The following CCDC172 variants were observed in gnomAD, a reference collection of about 807,000 sequenced individuals.
CCDC172 encodes the protein coiled-coil domain containing 172, also known as coiled-coil domain-containing protein 172.
Under a neutral mutation model 38.0 loss-of-function variants are expected in CCDC172, and 30 were observed. The ratio of observed to expected loss-of-function variants is 0.79; its 90% CI spans 0.59 to 1.07. CCDC172 has a LOEUF of 1.07. Among genes scored for constraint, CCDC172 ranks in the 50% least tolerant of loss-of-function variants. The pLI is 0.00. For synonymous variants in CCDC172, 78 were observed against 88.3 expected, an observed-to-expected ratio of 0.88 and a Z score of 0.66; for missense variants, 297 against 290.1, an observed-to-expected ratio of 1.02 and a Z score of -0.17.
At chr10:116,369,174 T>C (rs1845158541) in intron 7 of CCDC172, among the ~76,000 whole-genome samples, 1 of 152,076 alleles carries the variant, frequency 6.6e-6, no homozygotes, top group Non-Finnish European at 1.5e-5. Context: ...TTTCCATTTG[T>C]GTTTAACTCA....
At chr10:116,356,337 A>G (rs1844996124) in intron 5 of CCDC172, among the ~76,000 whole-genome samples, 1 of 141,250 alleles carries the variant, frequency 7.1e-6, no homozygotes, top group African/African-American at 2.8e-5. Flanking sequence ...TCAGAAAAAA[A>G]GAAAAGAAAG....
intron 7 of CCDC172, among the ~76,000 whole-genome samples, chr10:116,372,410 T>C (rs981067767): frequency 6.6e-6 from 1 of 152,114 alleles, no homozygotes; most frequent in East Asian, 1.9e-4. Flanking sequence ...GCAATCAAGA[T>C]ATAGAATACT....
chr10:116,361,229 C>T (rs1329542975), intron 7 of CCDC172, among the ~76,000 whole-genome samples: 1 of 151,998 alleles, frequency 6.6e-6, no homozygotes, highest in East Asian at 1.9e-4. Flanking sequence ...AAGTGATACA[C>T]CTGCCTCAGT....
At chr10:116,349,110 T>G (rs1844900850) in intron 5 of CCDC172, among the ~76,000 whole-genome samples, 1 of 152,114 alleles carries the variant, frequency 6.6e-6, no homozygotes, top group African/African-American at 2.4e-5. Context: ...GATTGCATGC[T>G]CCTTATGAGA....
chr10:116,359,110 A>T (rs1296382178), intron 7 of CCDC172, among the ~76,000 whole-genome samples: 1 of 152,148 alleles, frequency 6.6e-6, no homozygotes, highest in Non-Finnish European at 1.5e-5. Flanking sequence ...TTTTTCATTC[A>T]TTGATATGTG....
intron 7 of CCDC172, among the ~76,000 whole-genome samples, chr10:116,364,477 CAGA>C (rs538584423): frequency 1.3e-5 from 2 of 151,702 alleles, no homozygotes; most frequent in Admixed American, 1.3e-4. Flanking sequence ...ATGCTAAGTA[CAGA>C]AGAAGCTTTA....
chr10:116,357,491 T>C lies in CCDC172; in HGVS notation c.550+10T>C. The C allele has an allele frequency of 6.6e-7, 1 of 1,521,372 alleles. No individual in the cohort carries two copies. The highest frequency in any genetic ancestry group is 8.8e-7 in the Non-Finnish European group (1 of 1,132,198). The allele number at this position is 1,521,372 out of a possible 1,614,324, so 94.2% of individuals were successfully genotyped here. On this transcript the variant is annotated intron_variant, in intron 6 of 8. Coordinates refer to ENST00000333254, the MANE Select transcript of CCDC172 (RefSeq NM_198515.3). ...CAAAGAAAACTTAAAGGTATTACCT[T>C]CATGAGTTAGCTTATTTTGCTGATA...
At chr10:116,338,249 C>A (rs1326356262) in intron 3 of CCDC172, among the ~76,000 whole-genome samples, 1 of 152,132 alleles carries the variant, frequency 6.6e-6, no homozygotes, top group Non-Finnish European at 1.5e-5. Flanking sequence ...TTCTACTTCT[C>A]ATACTTACCA....
chr10:116,349,568 T>C (rs1844906768), intron 5 of CCDC172, among the ~76,000 whole-genome samples: 1 of 152,208 alleles, frequency 6.6e-6, no homozygotes, highest in Admixed American at 6.5e-5. Context: ...CACACTTGTA[T>C]GATTATTTGA....
At chr10:116,351,512 TA>T (rs1844930266) in intron 5 of CCDC172, among the ~76,000 whole-genome samples, 1 of 152,194 alleles carries the variant, frequency 6.6e-6, no homozygotes, top group African/African-American at 2.4e-5. Context: ...AATTGGGATT[TA>T]AAGATGAATG....
intron 5 of CCDC172, among the ~76,000 whole-genome samples, chr10:116,355,803 C>T (rs995267474): frequency 1.3e-5 from 2 of 151,960 alleles, no homozygotes; most frequent in Non-Finnish European, 2.9e-5. Context: ...CAGTGGTTGC[C>T]TAGGGCTGGC....
At chr10:116,377,962 C>T (rs1845268258) in intron 7 of CCDC172, among the ~76,000 whole-genome samples, 1 of 152,194 alleles carries the variant, frequency 6.6e-6, no homozygotes, top group African/African-American at 2.4e-5. Flanking sequence ...AGGTGAATCA[C>T]TTGATGTCAG....
intron 3 of CCDC172, among the ~76,000 whole-genome samples, chr10:116,331,236 G>A (rs1844658688): frequency 6.6e-6 from 1 of 151,962 alleles, no homozygotes; most frequent in African/African-American, 2.4e-5. Context: ...AATATTTCTA[G>A]ATATAATTCA....
chr10:116,379,359 C>T lies in CCDC172; in HGVS notation c.*1C>T. 1 of 1,579,270 alleles carries T rather than the reference C, an allele frequency of 6.3e-7. No homozygotes were observed. Among genetic ancestry groups the T allele is most frequent in the Non-Finnish European group, 8.6e-7 (1 of 1,162,672 alleles). ...GAAAGATCTTCAGGAAAGCAAATAA[C>T]TTACAGAGAATTGATCAGCCATCTG... On this transcript the variant is annotated 3_prime_UTR_variant, in exon 9 of 9. Transcript: ENST00000333254.
Position 116,378,409 on chromosome 10 carries a change from T to G in CCDC172, c.654-14T>G. 6.3e-7 allele frequency: 1 copy of G among 1,578,724 alleles called. No individual in the cohort carries two copies. Among genetic ancestry groups the G allele is most frequent in the Non-Finnish European group, 8.6e-7 (1 of 1,164,274 alleles). ...TATTATTAAACTAACAGGTGAAATTTTCTTTTAAAATAGACTTAAAAAAGA... is the reference window on the plus strand; with the variant it reads ...TATTATTAAACTAACAGGTGAAATTGTCTTTTAAAATAGACTTAAAAAAGA... On this transcript the variant is annotated splice_polypyrimidine_tract_variant and intron_variant, in intron 7 of 8. Coordinates refer to ENST00000333254, the MANE Select transcript of CCDC172 (RefSeq NM_198515.3).
At chr10:116,378,598 C>T in intron 8 of CCDC172, 88 bp downstream of exon 8, 1 of 973,534 alleles carries the variant, frequency 1.0e-6, no homozygotes, top group Non-Finnish European at 1.6e-6. Flanking sequence ...AATCACTGAA[C>T]TAGTGTTTAA....
At chr10:116,332,690 G>T (rs1481004957) in intron 3 of CCDC172, among the ~76,000 whole-genome samples, 1 of 151,606 alleles carries the variant, frequency 6.6e-6, no homozygotes, top group East Asian at 1.9e-4. Flanking sequence ...TTCCCTGATT[G>T]CTTTTATGAT....
At chr10:116,331,973 G>C (rs1844668495) in intron 3 of CCDC172, among the ~76,000 whole-genome samples, 1 of 152,118 alleles carries the variant, frequency 6.6e-6, no homozygotes, top group South Asian at 2.1e-4. Flanking sequence ...CTTATACACT[G>C]CATCTCTAGG....
At chr10:116,361,906 G>A (rs1485042246) in intron 7 of CCDC172, among the ~76,000 whole-genome samples, 9 of 152,052 alleles carry the variant, frequency 5.9e-5, no homozygotes, top group East Asian at 1.9e-4. Flanking sequence ...GAGAACAGGC[G>A]GGCCAGGTGT....
Sources: allele counts gnomAD v4.1 joint callset (sites outside exome capture counted in the v4.1 genomes callset), GRCh38; gene constraint gnomAD v4.1.1; transcripts MANE v1.5; gene names NCBI Gene and HGNC (gene_info 2026-07-23, HGNC 2026-07-21).